The following CLCNKB variants were observed in gnomAD, a reference collection of about 807,000 sequenced individuals.
The protein encoded by CLCNKB is chloride channel protein ClC-Kb.
In CLCNKB, 74 loss-of-function variants were observed where a neutral mutation model predicts 83.8. That is an observed-to-expected ratio of 0.88 (90% CI 0.73 to 1.07). The LOEUF (loss-of-function observed/expected upper bound fraction) is 1.07. Among genes scored for constraint, CLCNKB ranks in the 50% least tolerant of loss-of-function variants. The pLI is 0.00. For missense variants in CLCNKB, 798 were observed against 893.6 expected (o/e 0.89, Z 1.36); for synonymous variants, 358 against 356.6 (o/e 1.00, Z -0.04).
rs1338335075 is a variant in CLCNKB, at chr1:16,048,751, CG to C, written c.655+172del. 2.7e-6 allele frequency: 4 copies of C among 1,473,298 alleles called. No individual in the cohort carries two copies. The Admixed American group carries it at 7.9e-5, about 29-fold the overall frequency. 91.3% of individuals were successfully genotyped at this position (1,473,298 alleles called of 1,614,324 possible). A position where few individuals can be genotyped will look rare whatever the true frequency, so the allele number is the denominator to read the frequency against. ...CGCCCCCCACCGGGGGGAGGGGGGG[CG>C]GGTGACTTGATTGGCGGTGCTAAGA... On this transcript the variant is annotated intron_variant, in intron 7 of 19. Transcript: ENST00000375679.
In CLCNKB at chr1:16,047,901, C is replaced by T. The variant is rs1286968265; in HGVS notation, c.359-4C>T. The T allele has an allele frequency of 6.2e-7, 1 of 1,613,574 alleles. No individual in the cohort carries two copies. The highest frequency in any genetic ancestry group is 8.5e-7 in the Non-Finnish European group (1 of 1,180,000). On this transcript the variant is annotated splice_region_variant and splice_polypyrimidine_tract_variant and intron_variant, in intron 4 of 19. Transcript: ENST00000375679. The stretch of plus-strand genomic sequence containing the variant: ...CCCTCCTGGCCCTGCCCACCCCCGC[C>T]AAGGTTCTGGAATCCCGGAGGTGAA...
intron 7 of CLCNKB, 80 bp downstream of exon 7, chr1:16,048,662 A>T: frequency 6.3e-7 from 1 of 1,588,592 alleles, no homozygotes; most frequent in African/African-American, 1.4e-5. Flanking sequence ...CCCAGCTGAG[A>T]GCCTGGAGGA....
At chr1:16,048,320 T>C in intron 5 of CLCNKB, 23 bp from the exon 6 acceptor site, 1 of 1,613,256 alleles carries the variant, frequency 6.2e-7, no homozygotes. Context: ...ACCTGGGCCC[T>C]GGGCCCACCC....
At position 16,053,723 on chromosome 1, in the gene CLCNKB, G is replaced by A; in HGVS notation, c.1707G>A (p.Lys569=). 2 of 1,613,962 alleles carry A rather than the reference G, an allele frequency of 1.2e-6. No homozygotes were observed. Among genetic ancestry groups the A allele is most frequent in the Non-Finnish European group, 1.7e-6 (2 of 1,180,010 alleles). Reference sequence around the variant, plus strand: ...ACATGCCACTGGAGGAGGTGGTCAAGGTTGTGACCTCCACAGACGTGGCCA... The same window carrying A: ...ACATGCCACTGGAGGAGGTGGTCAAAGTTGTGACCTCCACAGACGTGGCCA... ...AKDMPLEEVV[K]VVTSTDVAKY... is the part of the protein sequence containing the mutation. The change falls in exon 16 of 20, where the codon AAG becomes AAA. Residue 569 remains lysine, a synonymous_variant. Coordinates refer to ENST00000375679, the MANE Select transcript of CLCNKB (RefSeq NM_000085.5).
chr1:16,045,787 G>T lies in CLCNKB; in HGVS notation c.229+101G>T, dbSNP rs529305000. The T allele has an allele frequency of 1.7e-5, 16 of 938,910 alleles. 2 individuals are homozygous for T. The highest frequency in any genetic ancestry group is 4.3e-5 in the South Asian group (3 of 69,342). The allele number at this position is 938,910 out of a possible 1,614,324, so 58.2% of individuals were successfully genotyped here. Reference sequence around the variant, plus strand: ...CCAGGTGCAGCGGAGGTTGGGGGGGGTGCTCTGGGTGGGGATCTGGTCCTG... The same window carrying T: ...CCAGGTGCAGCGGAGGTTGGGGGGGTTGCTCTGGGTGGGGATCTGGTCCTG... On this transcript the variant is annotated intron_variant, in intron 3 of 19. Transcript: ENST00000375679.
At chr1:16,053,479 G>A (rs187141004) in intron 15 of CLCNKB, among the ~76,000 whole-genome samples, 160 bp from the exon 16 acceptor site, 7 of 152,222 alleles carry the variant, frequency 4.6e-5, no homozygotes, top group African/African-American at 1.7e-4. Context: ...TCCTCTCACC[G>A]TGGGTTCTAG....
Position 16,049,352 on chromosome 1 carries a change from CCTCT to C in CLCNKB, c.781+108_781+111del, listed in dbSNP as rs1452736465. On this transcript the variant is annotated intron_variant, in intron 8 of 19. Transcript: ENST00000375679. ...CTTGCTCTTCCTTTCCCTCTCTCTCCCTCTTTTTCCTCTTCCTTGTTCCCACCTC... is the reference window on the plus strand; with the variant it reads ...CTTGCTCTTCCTTTCCCTCTCTCTCCTTTTCCTCTTCCTTGTTCCCACCTC... 1.9e-6 allele frequency: 3 copies of C among 1,544,478 alleles called. No individual in the cohort carries two copies. In the African/African-American group the frequency reaches 4.1e-5, roughly 21 times the overall value.
Position 16,046,472 on chromosome 1 carries a change from C to G in CLCNKB, c.230-63C>G, listed in dbSNP as rs1400089251. Reference sequence around the variant, plus strand: ...TTTCCTGGTCAGTAAGTGGGCACCACAGCGTCTGGCCCCGAGGGCTGCAGA... The same window carrying G: ...TTTCCTGGTCAGTAAGTGGGCACCAGAGCGTCTGGCCCCGAGGGCTGCAGA... On this transcript the variant is annotated intron_variant, in intron 3 of 19. Transcript: ENST00000375679. 48 of 1,607,080 alleles carry G rather than the reference C, an allele frequency of 3.0e-5. 1 individual carries two copies. The highest frequency in any genetic ancestry group is 4.1e-5 in the Non-Finnish European group (48 of 1,178,160).
chr1:16,051,131 A>T (rs1255459990), intron 12 of CLCNKB, 83 bp downstream of exon 12: 2 of 1,596,768 alleles, frequency 1.3e-6, no homozygotes, highest in East Asian at 4.5e-5. Context: ...AGCTGGTGGC[A>T]TGGAGCCCAG....
rs538083063 is a variant in CLCNKB at position 16,045,544 on chromosome 1, A to G, written c.101-14A>G. The G allele has an allele frequency of 3.7e-6, 6 of 1,612,150 alleles. No homozygotes were observed. Among genetic ancestry groups the G allele is most frequent in the South Asian group, 2.2e-5 (2 of 91,048 alleles). ...CTGCCCCACCCTGTGCCGTGACCCC[A>G]TGCCCTGCCCCAGGTGGCCTGGAGT... On this transcript the variant is annotated splice_polypyrimidine_tract_variant and intron_variant, in intron 2 of 19. Coordinates refer to ENST00000375679, the MANE Select transcript of CLCNKB (RefSeq NM_000085.5).
chr1:16,056,840 C>CCCCCCCCCCCCCCCCCT, intron 19 of CLCNKB, 29 bp from the exon 20 acceptor site: 1 of 1,038,026 alleles, frequency 9.6e-7, no homozygotes, highest in Non-Finnish European at 1.5e-6. Flanking sequence ...TACATCCCCC[C>CCCCCCCCCCCCCCCCCT]GCACCTCCAC....
Position 16,056,382 on chromosome 1 carries a change from A to G in CLCNKB, c.1930-40A>G, listed in dbSNP as rs7517792. 0.78 allele frequency: 1,254,223 copies of G among 1,600,312 alleles called. 492,797 individuals are homozygous for G. The highest frequency in any genetic ancestry group is 0.87 in the Admixed American group (52,048 of 59,948). On this transcript the variant is annotated intron_variant, in intron 18 of 19. Transcript: ENST00000375679. ...GAGTGGGCTAGAGGGTGGGCTGGGCACCTTCTACCCTCCAGTGTTTCCTAA... is the reference window on the plus strand; with the variant it reads ...GAGTGGGCTAGAGGGTGGGCTGGGCGCCTTCTACCCTCCAGTGTTTCCTAA...
intron 2 of CLCNKB, 71 bp from the exon 3 acceptor site, chr1:16,045,487 C>A: frequency 1.3e-6 from 2 of 1,582,160 alleles, no homozygotes; most frequent in Non-Finnish European, 1.7e-6. Flanking sequence ...TGAAGCCCAG[C>A]AGGCCTCCAA....
At position 16,047,859 on chromosome 1, in the gene CLCNKB, T is replaced by A. The variant is rs200995549; in HGVS notation, c.359-46T>A. On this transcript the variant is annotated intron_variant, in intron 4 of 19. Transcript: ENST00000375679. ...CACACAGGTAGAGTGTTGAGATTTTTAACCTAGAGATTGTCCCCCTCCTGG... is the reference window on the plus strand; with the variant it reads ...CACACAGGTAGAGTGTTGAGATTTTAAACCTAGAGATTGTCCCCCTCCTGG... The A allele has an allele frequency of 1.9e-5, 31 of 1,605,884 alleles. 1 individual carries two copies. The African/African-American group carries it at 3.7e-4, about 19-fold the overall frequency.
At chr1:16,049,330 G>A (rs954219670) in intron 8 of CLCNKB, 85 bp downstream of exon 8, 6 of 1,580,692 alleles carry the variant, frequency 3.8e-6, no homozygotes, top group Non-Finnish European at 5.1e-6. Flanking sequence ...TACACCCCTT[G>A]CTCTTCCTTT....
intron 16 of CLCNKB, among the ~76,000 whole-genome samples, chr1:16,054,056 G>A (rs1335210568): frequency 2.6e-5 from 4 of 152,144 alleles, no homozygotes; most frequent in African/African-American, 4.8e-5. Context: ...GACACCACCA[G>A]GGTCTTCCGG....
In CLCNKB at chr1:16,049,203, G is replaced by A; in HGVS notation, c.739G>A (p.Ala247Thr). 6 of 1,613,714 alleles carry A rather than the reference G, an allele frequency of 3.7e-6. No homozygotes were observed. The highest frequency in any genetic ancestry group is 5.1e-6 in the Non-Finnish European group (6 of 1,179,990). Residue 247 changes from alanine to threonine, a missense_variant, in exon 8 of 20, where the codon GCC becomes ACC. Ala to Thr is a moderately conservative substitution (Grantham distance 58). Coordinates refer to ENST00000375679, the MANE Select transcript of CLCNKB (RefSeq NM_000085.5). ...WRGFFAATCG[A>T]FMFRLLAVFN... ...GGGCTTCTTTGCGGCCACCTGCGGG[G>A]CCTTCATGTTCCGGCTCCTGGCGGT... is the stretch of plus-strand genomic sequence containing the variant.
rs370688425 is a variant in CLCNKB, at chr1:16,049,216, G to A, written c.752G>A (p.Arg251Gln). Reference protein sequence around the residue: ...FAATCGAFMFRLLAVFNSEQE... With the variant: ...FAATCGAFMFQLLAVFNSEQE... ...GCCACCTGCGGGGCCTTCATGTTCC[G>A]GCTCCTGGCGGTCTTCAACAGCGAG... Residue 251 changes from arginine to glutamine, a missense_variant, in exon 8 of 20, where the codon CGG (arginine) becomes CAG (glutamine). Coordinates refer to ENST00000375679, the MANE Select transcript of CLCNKB (RefSeq NM_000085.5). The A allele has an allele frequency of 3.1e-6, 5 of 1,613,672 alleles. No individual in the cohort carries two copies. Among genetic ancestry groups the A allele is most frequent in the Non-Finnish European group, 4.2e-6 (5 of 1,179,978 alleles).
intron 2 of CLCNKB, among the ~76,000 whole-genome samples, chr1:16,044,890 C>T (rs1357710712): frequency 6.6e-6 from 1 of 152,242 alleles, no homozygotes; most frequent in African/African-American, 2.4e-5. Flanking sequence ...AATGAGGGGA[C>T]GTGGGGGTTA....
Sources: gnomAD v4.1 joint callset for allele counts (sites outside exome capture counted in the v4.1 genomes callset) on GRCh38, gnomAD v4.1.1 for gene constraint, MANE v1.5 for transcripts, NCBI Gene and HGNC (gene_info 2026-07-23, HGNC 2026-07-21) for gene names.